NAA11: variants seen among roughly 807,000 people sequenced by gnomAD.
The protein encoded by NAA11 is N-alpha-acetyltransferase 11, NatA catalytic subunit.
Under a neutral mutation model 16.1 loss-of-function variants are expected in NAA11, and 15 were observed. The observed-to-expected ratio is 0.93, with a 90% CI of 0.62 to 1.44. The LOEUF is 1.44. NAA11 is among the 40% of genes most tolerant of loss of function. The probability of loss-of-function intolerance (pLI) is 0.00; values close to 1 mark genes in which losing one functional copy is unlikely to be tolerated. For missense variants in NAA11, 298 were observed against 291.3 expected (o/e 1.02, Z -0.17); for synonymous variants, 122 against 112.4 (o/e 1.09, Z -0.54).
the NAA11 span, among the ~76,000 whole-genome samples, chr4:79,156,958 T>C: frequency 6.6e-6 from 1 of 152,220 alleles, no homozygotes; most frequent in African/African-American, 2.4e-5. Flanking sequence ...AAAAAGTCTA[T>C]TGAACAGGAC....
chr4:79,177,233 G>T, the NAA11 span, among the ~76,000 whole-genome samples: 3 of 151,726 alleles, frequency 2.0e-5, no homozygotes, highest in African/African-American at 4.8e-5. Context: ...TGTTTTGGGG[G>T]TGAACTACAT....
intron 2 of NAA11, among the ~76,000 whole-genome samples, chr4:79,245,709 G>A (rs1394873901): frequency 1.3e-5 from 2 of 150,480 alleles, no homozygotes; most frequent in African/African-American, 2.5e-5. Context: ...CTGCCTGTTC[G>A]CCCCCTCTGG....
At chr4:79,270,052 C>G (rs1231362451) in intron 2 of NAA11, among the ~76,000 whole-genome samples, 96 of 150,938 alleles carry the variant, frequency 6.4e-4, no homozygotes, top group Admixed American at 2.6e-4. Flanking sequence ...TGTTCTGTTC[C>G]ATTGATCTAT....
intron 2 of NAA11, among the ~76,000 whole-genome samples, chr4:79,226,799 G>A (rs1224902148): frequency 6.6e-6 from 1 of 151,956 alleles, no homozygotes. Context: ...TGGTGTATAT[G>A]TGCCACATTT....
intron 1 of NAA11, among the ~76,000 whole-genome samples, chr4:79,309,865 G>A (rs571157980): frequency 3.0e-4 from 46 of 151,784 alleles, no homozygotes; most frequent in African/African-American, 1.0e-3. Flanking sequence ...ACAGGCGCCC[G>A]CCACCACGCC....
the NAA11 span, among the ~76,000 whole-genome samples, chr4:79,205,775 G>A: frequency 6.6e-6 from 1 of 152,016 alleles, no homozygotes; most frequent in Non-Finnish European, 1.5e-5. Context: ...TTCATCTTGA[G>A]TTACTTTTTA....
At chr4:79,181,346 C>CT in the NAA11 span, among the ~76,000 whole-genome samples, 1 of 152,036 alleles carries the variant, frequency 6.6e-6, no homozygotes. Flanking sequence ...TCCCATGTGA[C>CT]TTTCTTGCCC....
At chr4:79,291,000 T>C (rs887415900) in intron 2 of NAA11, among the ~76,000 whole-genome samples, 4 of 152,202 alleles carry the variant, frequency 2.6e-5, no homozygotes, top group African/African-American at 7.2e-5. Context: ...TATGGTATGT[T>C]AGAAATTAAA....
chr4:79,185,995 A>G, the NAA11 span, among the ~76,000 whole-genome samples: 1 of 152,132 alleles, frequency 6.6e-6, no homozygotes, highest in African/African-American at 2.4e-5. Context: ...GGCTATTAAA[A>G]ACAGTGTTTT....
At chr4:79,181,990 T>C in the NAA11 span, among the ~76,000 whole-genome samples, 25 of 152,344 alleles carry the variant, frequency 1.6e-4, no homozygotes, top group African/African-American at 5.8e-4. Flanking sequence ...TCTGAACTAA[T>C]TGTTAAATAA....
At chr4:79,322,505 G>GTATATA (rs150419621) in intron 1 of NAA11, among the ~76,000 whole-genome samples, 2,388 of 150,116 alleles carry the variant, frequency 0.016, 30 homozygotes, top group African/African-American at 0.033. Flanking sequence ...GTGTGTGTGT[G>GTATATA]TATATATATA....
the NAA11 span, among the ~76,000 whole-genome samples, chr4:79,209,110 G>A: frequency 5.9e-5 from 9 of 151,982 alleles, no homozygotes; most frequent in Admixed American, 4.6e-4. Context: ...TGAGAAGTTC[G>A]TGGGCTGAAC....
At chr4:79,302,927 T>C (rs1052810108) in intron 1 of NAA11, among the ~76,000 whole-genome samples, 17 of 151,654 alleles carry the variant, frequency 1.1e-4, no homozygotes, top group African/African-American at 4.1e-4. Context: ...AGAAATAAAA[T>C]TCTATTTTGT....
At chr4:79,297,481 C>G (rs896662998) in intron 1 of NAA11, among the ~76,000 whole-genome samples, 6 of 152,192 alleles carry the variant, frequency 3.9e-5, no homozygotes, top group Non-Finnish European at 7.3e-5. Flanking sequence ...TTTGCACCCT[C>G]AGGAGCCCAG....
chr4:79,174,757 C>T, the NAA11 span, among the ~76,000 whole-genome samples: 2 of 152,034 alleles, frequency 1.3e-5, no homozygotes, highest in Admixed American at 6.6e-5. Context: ...ACATTAGTCA[C>T]CATGCAAACA....
chr4:79,210,053 A>C, the NAA11 span, among the ~76,000 whole-genome samples: 2 of 152,174 alleles, frequency 1.3e-5, no homozygotes, highest in African/African-American at 4.8e-5. Flanking sequence ...CTGAAAAAAA[A>C]TACACTGGTT....
At chr4:79,206,877 T>C in the NAA11 span, among the ~76,000 whole-genome samples, 1 of 152,226 alleles carries the variant, frequency 6.6e-6, no homozygotes, top group African/African-American at 2.4e-5. Flanking sequence ...AAATTAAATT[T>C]ACGTTCAAGT....
the NAA11 span, among the ~76,000 whole-genome samples, chr4:79,196,953 G>GAAAAAAAAA: frequency 1.1e-3 from 1 of 894 alleles, no homozygotes; most frequent in African/African-American, 3.0e-3. Flanking sequence ...AGATGAAAAA[G>GAAAAAAAAA]ACAAAAAAAA....
intron 2 of NAA11, among the ~76,000 whole-genome samples, chr4:79,273,313 A>G (rs1465885374): frequency 6.6e-6 from 1 of 152,058 alleles, no homozygotes; most frequent in African/African-American, 2.4e-5. Context: ...TTTTAAATAG[A>G]TGAGGTTCCA....
Sources: allele counts gnomAD v4.1 joint callset (sites outside exome capture counted in the v4.1 genomes callset), GRCh38; gene constraint gnomAD v4.1.1; transcripts MANE v1.5; gene names NCBI Gene and HGNC (gene_info 2026-07-23, HGNC 2026-07-21).